GLS2: variants seen among roughly 807,000 people sequenced by gnomAD.
GLS2 encodes glutaminase liver isoform, mitochondrial.
GLS2 carries 52 observed loss-of-function variants against 79.0 expected under a neutral mutation model. The observed-to-expected ratio is 0.66, with a 90% CI of 0.53 to 0.83. The LOEUF is 0.83. Among genes scored for constraint, GLS2 ranks in the 40% least tolerant of loss-of-function variants. The probability of loss-of-function intolerance (pLI) is 0.00; values close to 1 mark genes in which losing one functional copy is unlikely to be tolerated. For synonymous variants in GLS2, 238 were observed against 280.8 expected, an observed-to-expected ratio of 0.85 and a Z score of 1.52; for missense variants, 561 against 764.8, an observed-to-expected ratio of 0.73 and a Z score of 3.14.
intron 4 of GLS2, chr12:56,478,754 A>G: frequency 3.4e-6 from 1 of 292,126 alleles, no homozygotes; most frequent in Non-Finnish European, 6.5e-6. Context: ...GCACTTTGGG[A>G]GGCCGAGGTG....
At chr12:56,484,704 C>G (rs887567731) in intron 1 of GLS2, among the ~76,000 whole-genome samples, 1 of 152,030 alleles carries the variant, frequency 6.6e-6, no homozygotes, top group Non-Finnish European at 1.5e-5. Flanking sequence ...GTATCACAAG[C>G]CTAAAAAAAC....
intron 4 of GLS2, 93 bp from the exon 5 acceptor site, chr12:56,478,355 TA>T (rs1870007990): frequency 1.2e-5 from 16 of 1,358,268 alleles, no homozygotes; most frequent in Admixed American, 3.9e-5. Context: ...AGATAAAAGC[TA>T]AAATTCTGTC....
Position 56,477,730 on chromosome 12 carries a change from C to G in GLS2, c.779-12G>C. The G allele has an allele frequency of 1.9e-6, 3 of 1,609,632 alleles. No individual in the cohort carries two copies. Among genetic ancestry groups the G allele is most frequent in the Non-Finnish European group, 1.7e-6 (2 of 1,177,876 alleles). On this transcript the variant is annotated splice_polypyrimidine_tract_variant and intron_variant, in intron 6 of 17. Transcript: ENST00000311966. The stretch of plus-strand genomic sequence containing the variant: ...GTTATGGGGGATTCCTGGGGAAATA[C>G]AAACCACCAAGAGTCTTAGCCACTG...
intron 1 of GLS2, 62 bp from the exon 2 acceptor site, chr12:56,480,449 T>C (rs773395971): frequency 9.6e-6 from 12 of 1,251,662 alleles, no homozygotes; most frequent in South Asian, 2.4e-5. Flanking sequence ...TGCTCCTCCT[T>C]CTGCAACATG....
rs1464098789 is a variant in GLS2, at chr12:56,474,864, G to A, written c.1029C>T (p.Ala343=). The A allele has an allele frequency of 2.5e-6, 4 of 1,614,006 alleles. No individual in the cohort carries two copies. The highest frequency in any genetic ancestry group is 3.4e-6 in the Non-Finnish European group (4 of 1,180,026). ...TTCTTACCTGGAAGTAGAGATCAAG[G>A]GCAGCCATCATGTCCACCCCCTTAG... ...CFPKGVDMMA[A]LDLYFQLCSV... is the part of the protein sequence containing the mutation. Residue 343 remains alanine (A), a synonymous_variant, in exon 11 of 18, where the codon GCC becomes GCT. Transcript: ENST00000311966.
intron 15 of GLS2, 150 bp from the exon 16 acceptor site, chr12:56,472,345 A>G: frequency 1.5e-6 from 1 of 671,912 alleles, no homozygotes; most frequent in Non-Finnish European, 2.6e-6. Flanking sequence ...TTTTTTCCAT[A>G]TCCAGATGAG....
At position 56,471,270 on chromosome 12, in the gene GLS2, C is replaced by T; in HGVS notation, c.*217G>A. 1.9e-6 allele frequency: 1 copy of T among 519,370 alleles called. No homozygotes were observed. The highest frequency in any genetic ancestry group is 3.4e-6 in the Non-Finnish European group (1 of 298,004). 32.2% of individuals were successfully genotyped at this position (519,370 alleles called of 1,614,324 possible). A position where few individuals can be genotyped will look rare whatever the true frequency, so the allele number is the denominator to read the frequency against. The stretch of plus-strand genomic sequence containing the variant: ...CTTGAAGCCCAGTCTCTCTGGATAG[C>T]TGTACTGCAGGTGTCCTCTGAGGCC... On this transcript the variant is annotated 3_prime_UTR_variant, in exon 18 of 18. Coordinates refer to ENST00000311966, the MANE Select transcript of GLS2 (RefSeq NM_013267.4).
At chr12:56,472,084 T>A in intron 16 of GLS2, 35 bp downstream of exon 16, 8 of 1,605,558 alleles carry the variant, frequency 5.0e-6, no homozygotes, top group Non-Finnish European at 6.8e-6. Context: ...GGTCTTATGA[T>A]TACCCTCCTC....
In GLS2 at chr12:56,471,544, A is replaced by C; in HGVS notation, c.1752T>G (p.Thr584=). The change falls in exon 18 of 18, where the codon ACT becomes ACG. Residue 584 remains threonine, a synonymous_variant. Transcript: ENST00000311966. ...DYQDSYTLSE[T]QAEAAAEALS... is the part of the protein sequence containing the mutation. Reference sequence around the variant, plus strand: ...GGGCCTCAGCTGCTGCCTCAGCCTGAGTTTCAGAGAGTGTGTAGGAGTCCT... The same window carrying C: ...GGGCCTCAGCTGCTGCCTCAGCCTGCGTTTCAGAGAGTGTGTAGGAGTCCT... The C allele has an allele frequency of 1.2e-6, 2 of 1,614,108 alleles. No individual in the cohort carries two copies. Among genetic ancestry groups the C allele is most frequent in the South Asian group, 2.2e-5 (2 of 91,080 alleles).
At position 56,486,399 on chromosome 12, in the gene GLS2, T is replaced by A. The variant is rs564048891; in HGVS notation, c.182+1538A>T. On this transcript the variant is annotated intron_variant, in intron 1 of 17. Transcript: ENST00000311966. ...GCCTTTGCTGTATCCCACCATTATT[T>A]CTCCCATGGTGAATACCTGGGGGGA... Among the ~76,000 whole-genome samples the A allele has an allele frequency of 2.0e-5, 3 of 152,234 alleles. No individual in the cohort carries two copies. The South Asian group carries it at 6.2e-4, about 32-fold the overall frequency.
At position 56,472,611 on chromosome 12, in the gene GLS2, C is replaced by T. The variant is rs1246232800; in HGVS notation, c.1511+79G>A. 8 of 1,306,196 alleles carry T rather than the reference C, an allele frequency of 6.1e-6. No individual in the cohort carries two copies. In the African/African-American group the frequency reaches 7.3e-5, roughly 12 times the overall value. 80.9% of individuals were successfully genotyped at this position (1,306,196 alleles called of 1,614,324 possible). Reference sequence around the variant, plus strand: ...CTAATTCCAAAGCTGAAGCACTTAACTATTTTGTTACGCTGCCTCCTAGTA... The same window carrying T: ...CTAATTCCAAAGCTGAAGCACTTAATTATTTTGTTACGCTGCCTCCTAGTA... On this transcript the variant is annotated intron_variant, in intron 15 of 17. Transcript: ENST00000311966.
rs557023745 is a variant in GLS2 at position 56,471,163 on chromosome 12, G to C, written c.*324C>G. The C allele has an allele frequency of 7.0e-6, 3 of 427,780 alleles. No individual in the cohort carries two copies. The highest frequency in any genetic ancestry group is 6.1e-5 in the African/African-American group (3 of 49,496). 26.5% of individuals were successfully genotyped at this position (427,780 alleles called of 1,614,324 possible). A position where few individuals can be genotyped will look rare whatever the true frequency, so the allele number is the denominator to read the frequency against. On this transcript the variant is annotated 3_prime_UTR_variant, in exon 18 of 18. Transcript: ENST00000311966. ...CCCTCCACCAGAGTATCTCTCTCAT[G>C]ATGGTTTCTTCAGGGAGAGGAAGAG...
intron 9 of GLS2, chr12:56,475,368 G>C (rs942177081): frequency 1.9e-5 from 18 of 947,420 alleles, no homozygotes; most frequent in African/African-American, 1.8e-4. Context: ...TTTTGGCTTT[G>C]AAAGTCTTGG....
chr12:56,471,239 C>A lies in GLS2; in HGVS notation c.*248G>T. The A allele has an allele frequency of 2.1e-6, 1 of 486,932 alleles. No individual in the cohort carries two copies. The highest frequency in any genetic ancestry group is 3.6e-6 in the Non-Finnish European group (1 of 278,480). 30.2% of individuals were successfully genotyped at this position (486,932 alleles called of 1,614,324 possible). ...GTTTTGAGTGGGGCAAGCCATTAGG[C>A]TGTACCTTGAAGCCCAGTCTCTCTG... On this transcript the variant is annotated 3_prime_UTR_variant, in exon 18 of 18. Coordinates refer to ENST00000311966, the MANE Select transcript of GLS2 (RefSeq NM_013267.4).
chr12:56,487,726 G>T (rs962632155), intron 1 of GLS2: 38 of 598,810 alleles, frequency 6.3e-5, no homozygotes, highest in South Asian at 6.3e-4. Context: ...CCCAGGACCC[G>T]CTTGCCCGAA....
At chr12:56,481,593 CT>C (rs1361343298) in intron 1 of GLS2, among the ~76,000 whole-genome samples, 1 of 151,318 alleles carries the variant, frequency 6.6e-6, no homozygotes, top group Non-Finnish European at 1.5e-5. Context: ...AGAATAAGCA[CT>C]TGAAATAAGA....
At chr12:56,479,324 T>C in intron 3 of GLS2, 143 bp from the exon 4 acceptor site, 1 of 1,032,760 alleles carries the variant, frequency 9.7e-7, no homozygotes, top group Non-Finnish European at 1.4e-6. Context: ...CAAATCAGTT[T>C]ACCTTTCTAG....
Position 56,472,116 on chromosome 12 carries a change from T to G in GLS2, c.1588+3A>C. 1 of 1,614,082 alleles carries G rather than the reference T, an allele frequency of 6.2e-7. No individual in the cohort carries two copies. Among genetic ancestry groups the G allele is most frequent in the South Asian group, 1.1e-5 (1 of 91,074 alleles). On this transcript the variant is annotated splice_donor_region_variant and intron_variant, in intron 16 of 17. Transcript: ENST00000311966. ...CCTCCTCCCCTCCTTAACCCTTCAG[T>G]ACCTTCAGCTGCAGCAACATGCAGA... is the stretch of plus-strand genomic sequence containing the variant.
At chr12:56,476,083 G>T in intron 7 of GLS2, 106 bp from the exon 8 acceptor site, 1 of 1,069,368 alleles carries the variant, frequency 9.4e-7, no homozygotes, top group Non-Finnish European at 1.4e-6. Context: ...TCCTGCTGCT[G>T]CAAATGTGTT....
Sources: gnomAD v4.1 joint callset for allele counts (sites outside exome capture counted in the v4.1 genomes callset) on GRCh38, gnomAD v4.1.1 for gene constraint, MANE v1.5 for transcripts, NCBI Gene and HGNC (gene_info 2026-07-23, HGNC 2026-07-21) for gene names.